Variants in SMARCA2 observed in about 807,000 individuals in gnomAD.
SMARCA2 encodes SWI/SNF-related matrix-associated actin-dependent regulator of chromatin subfamily A member 2.
Under a neutral mutation model 199.8 loss-of-function variants are expected in SMARCA2, and 61 were observed. That is an observed-to-expected ratio of 0.31 (90% CI 0.25 to 0.38). The LOEUF (loss-of-function observed/expected upper bound fraction) is 0.38, where lower values mean the gene tolerates loss of function less well. Among genes scored for constraint, SMARCA2 ranks in the 10% least tolerant of loss-of-function variants. The pLI, the probability that SMARCA2 is intolerant of heterozygous loss-of-function variation, is 1.00. For synonymous variants in SMARCA2, 935 were observed against 732.0 expected (o/e 1.28, Z -4.48); for missense variants, 1,344 against 2,012.2 (o/e 0.67, Z 6.35).
chr9:2,140,980 T>C (rs1824435172), intron 27 of SMARCA2, among the ~76,000 whole-genome samples: 1 of 152,096 alleles, frequency 6.6e-6, no homozygotes, highest in Non-Finnish European at 1.5e-5. Flanking sequence ...GATTTTTGCT[T>C]CCTCTCTGAA....
chr9:2,093,938 A>C (rs1041992177), intron 19 of SMARCA2, among the ~76,000 whole-genome samples: 1 of 152,250 alleles, frequency 6.6e-6, no homozygotes, highest in African/African-American at 2.4e-5. Context: ...TGTTGGGAAA[A>C]TGAGCTTCAG....
intron 1 of SMARCA2, among the ~76,000 whole-genome samples, chr9:2,025,762 G>C (rs1057047219): frequency 1.3e-5 from 2 of 152,078 alleles, no homozygotes; most frequent in African/African-American, 4.8e-5. Context: ...TCATACTGTG[G>C]GAAAGTTTAA....
chr9:2,097,109 C>T (rs1170566666), intron 20 of SMARCA2: 5 of 487,038 alleles, frequency 1.0e-5, no homozygotes, highest in Non-Finnish European at 1.1e-5. Flanking sequence ...TTCCGGAGTC[C>T]TACGGAATAG....
chr9:2,112,479 AT>A (rs373626702), intron 24 of SMARCA2, among the ~76,000 whole-genome samples: 93 of 145,578 alleles, frequency 6.4e-4, no homozygotes, highest in African/African-American at 1.9e-3. Flanking sequence ...CCCGCCTCTC[AT>A]TTTTTTTTTT....
Position 2,115,905 on chromosome 9 carries a change from G to A in SMARCA2, c.3540G>A (p.Val1180=), listed in dbSNP as rs1823195968. Residue 1180 remains valine, a synonymous_variant, in exon 25 of 34, where the codon GTG becomes GTA. Coordinates refer to ENST00000349721, the MANE Select transcript of SMARCA2 (RefSeq NM_003070.5). The surrounding 1 kb of genome is among the most constrained non-coding windows in gnomAD (Gnocchi z 6.0). ...RVLRLCTVNS[V]EEKILAAAKY... ...TGAGGCTCTGTACCGTGAACAGCGT[G>A]GAGGAAAAGATCCTCGCGGCCGCAA... 1 of 1,613,940 alleles carries A rather than the reference G, an allele frequency of 6.2e-7. No individual in the cohort carries two copies. Among genetic ancestry groups the A allele is most frequent in the South Asian group, 1.1e-5 (1 of 91,074 alleles).
At chr9:2,155,054 C>G (rs1051106394) in intron 27 of SMARCA2, among the ~76,000 whole-genome samples, 2 of 152,056 alleles carry the variant, frequency 1.3e-5, no homozygotes, top group African/African-American at 4.8e-5. Flanking sequence ...TGATTCTACC[C>G]CAGGGAGCTG....
At chr9:2,090,871 C>T (rs1216434710) in intron 19 of SMARCA2, among the ~76,000 whole-genome samples, 2 of 150,706 alleles carry the variant, frequency 1.3e-5, no homozygotes, top group African/African-American at 4.9e-5. Context: ...TTTTTTTTAG[C>T]CTGGGGAAAG....
chr9:2,181,710 G>T, intron 30 of SMARCA2, 34 bp downstream of exon 30: 2 of 1,059,092 alleles, frequency 1.9e-6, no homozygotes, highest in Non-Finnish European at 1.5e-6. Context: ...TATTCTTCAA[G>T]TAAATAAAGG....
Position 2,035,948 on chromosome 9 carries a change from G to A in SMARCA2, c.355+2867G>A, listed in dbSNP as rs548055466. On this transcript the variant is annotated intron_variant, in intron 3 of 33. Transcript: ENST00000349721. Reference sequence around the variant, plus strand: ...GTCTTTAAAAAACTCACTGTGAAAAGCCATTTATTAATATAAAAACACAGG... The same window carrying A: ...GTCTTTAAAAAACTCACTGTGAAAAACCATTTATTAATATAAAAACACAGG... Among the ~76,000 whole-genome samples, 11 of 152,202 alleles carry A rather than the reference G, an allele frequency of 7.2e-5. No homozygotes were observed. The East Asian group carries it at 2.1e-3, about 29-fold the overall frequency.
intron 28 of SMARCA2, among the ~76,000 whole-genome samples, chr9:2,166,142 A>C (rs755136239): frequency 3.9e-5 from 6 of 152,218 alleles, no homozygotes; most frequent in Admixed American, 6.5e-5. Flanking sequence ...ATCAACAAGC[A>C]TATCTACCTC....
At chr9:2,108,361 GA>G (rs1164715452) in intron 23 of SMARCA2, among the ~76,000 whole-genome samples, 1 of 152,174 alleles carries the variant, frequency 6.6e-6, no homozygotes, top group East Asian at 1.9e-4. Context: ...CAGCTTCATG[GA>G]AAAAGAGAAA....
intron 29 of SMARCA2, among the ~76,000 whole-genome samples, chr9:2,174,950 AAAGG>A (rs1340978601): frequency 6.9e-6 from 1 of 145,436 alleles, no homozygotes; most frequent in East Asian, 2.0e-4. Context: ...AAAAAAAAAA[AAAGG>A]AAATGGAGAG....
At chr9:2,167,405 C>G (rs1825986657) in intron 28 of SMARCA2, among the ~76,000 whole-genome samples, 1 of 152,256 alleles carries the variant, frequency 6.6e-6, no homozygotes, top group Non-Finnish European at 1.5e-5. Context: ...CTTTCAGAAG[C>G]AGTCCACAGG....
At position 2,169,228 on chromosome 9, in the gene SMARCA2, C is replaced by T. The variant is rs73638402; in HGVS notation, c.4200-1191C>T. Among the ~76,000 whole-genome samples, 79 of 152,304 alleles carry T rather than the reference C, an allele frequency of 5.2e-4. No individual in the cohort carries two copies. The highest frequency in any genetic ancestry group is 1.8e-3 in the African/African-American group (73 of 41,566). ...ACTGCTGGCCTGGCCTGGCAAGCTG[C>T]AGGGTGGACTGCGTGCCCTGCCTCC... On this transcript the variant is annotated intron_variant, in intron 28 of 33. Transcript: ENST00000349721. This position sits in a 1 kb window ranked among gnomAD's most constrained non-coding sequence, Gnocchi z 6.5.
chr9:2,149,125 T>G (rs1824913807), intron 27 of SMARCA2, among the ~76,000 whole-genome samples: 1 of 151,048 alleles, frequency 6.6e-6, no homozygotes, highest in South Asian at 2.1e-4. Flanking sequence ...TTAATTGGAC[T>G]TACAGTTCCA....
At position 2,181,604 on chromosome 9, in the gene SMARCA2, G is replaced by C. The variant is rs1827029392; in HGVS notation, c.4287G>C (p.Gln1429His). ...SGRQLSEVFI[Q>H]LPSRKELPEY... ...GACAGCTCAGTGAAGTCTTCATTCA[G>C]TTACCTTCAAGGAAAGAATTACCAG... Residue 1429 changes from glutamine to histidine, a missense_variant, in exon 30 of 34, where the codon CAG becomes CAC. Around this residue, in one of 18 missense-constraint regions of SMARCA2, gnomAD observed 151 missense variants for 154.0 expected, o/e 0.98. Coordinates refer to ENST00000349721, the MANE Select transcript of SMARCA2 (RefSeq NM_003070.5). The C allele has an allele frequency of 1.2e-6, 2 of 1,604,894 alleles. No homozygotes were observed. Among genetic ancestry groups the C allele is most frequent in the Non-Finnish European group, 1.7e-6 (2 of 1,171,608 alleles).
intron 27 of SMARCA2, among the ~76,000 whole-genome samples, chr9:2,143,278 G>C (rs756433556): frequency 2.0e-5 from 3 of 152,172 alleles, no homozygotes; most frequent in Non-Finnish European, 2.9e-5. Context: ...GTTTGGGACA[G>C]AGTTTTTAAC....
At position 2,062,343 on chromosome 9, in the gene SMARCA2, T is replaced by C. The variant is rs1286686930; in HGVS notation, c.1692+1357T>C. ...TAGTTTTTCCTAATTCAGCCATGTG[T>C]TCTGCAGAGGTTGTCACTGTTAGTG... is the stretch of plus-strand genomic sequence containing the variant. On this transcript the variant is annotated intron_variant, in intron 9 of 33. Transcript: ENST00000349721. 2.0e-5 allele frequency among the ~76,000 whole-genome samples: 3 copies of C among 152,240 alleles called. No homozygotes were observed. In the East Asian group the frequency reaches 5.8e-4, roughly 29 times the overall value.
At position 2,054,498 on chromosome 9, in the gene SMARCA2, G is replaced by A. The variant is rs997084822; in HGVS notation, c.1047-99G>A. On this transcript the variant is annotated intron_variant, in intron 5 of 33. Coordinates refer to ENST00000349721, the MANE Select transcript of SMARCA2 (RefSeq NM_003070.5). ...ACTATCAGTATCTGGAATATGTTTTGCCCCGGACTTAAACCTAATGTCATT... is the reference window on the plus strand; with the variant it reads ...ACTATCAGTATCTGGAATATGTTTTACCCCGGACTTAAACCTAATGTCATT... 64 of 1,386,908 alleles carry A rather than the reference G, an allele frequency of 4.6e-5. 1 individual carries two copies. In the East Asian group the frequency reaches 1.4e-3, roughly 31 times the overall value. 85.9% of individuals were successfully genotyped at this position (1,386,908 alleles called of 1,614,324 possible). A position where few individuals can be genotyped will look rare whatever the true frequency, so the allele number is the denominator to read the frequency against.
Sources: allele counts gnomAD v4.1 joint callset (sites outside exome capture counted in the v4.1 genomes callset), GRCh38; gene constraint gnomAD v4.1.1; regional missense constraint gnomAD v4.1.1; non-coding constraint Gnocchi (gnomAD v3.1); transcripts MANE v1.5; gene names NCBI Gene and HGNC (gene_info 2026-07-23, HGNC 2026-07-21).